OTUD7B: variants seen among roughly 807,000 people sequenced by gnomAD.
OTUD7B encodes OTU deubiquitinase 7B.
A neutral mutation model predicts 82.2 loss-of-function variants in OTUD7B; 34 were observed. That is an observed-to-expected ratio of 0.41 (90% CI 0.31 to 0.55). OTUD7B has a LOEUF of 0.55. Among genes scored for constraint, OTUD7B ranks in the 20% least tolerant of loss-of-function variants. The pLI, the probability that OTUD7B is intolerant of heterozygous loss-of-function variation, is 0.20. For synonymous variants in OTUD7B, 398 were observed against 402.7 expected (o/e 0.99, Z 0.14); for missense variants, 944 against 1,062.1 (o/e 0.89, Z 1.55).
At chr1:149,970,297 C>T (rs1649822357) in intron 3 of OTUD7B, among the ~76,000 whole-genome samples, 1 of 148,026 alleles carries the variant, frequency 6.8e-6, no homozygotes, top group Non-Finnish European at 1.5e-5. Context: ...TTATGTATTT[C>T]TTTTTTTAAT....
chr1:149,986,492 T>A (rs1651151312), intron 1 of OTUD7B, among the ~76,000 whole-genome samples: 1 of 152,168 alleles, frequency 6.6e-6, no homozygotes, highest in African/African-American at 2.4e-5. Flanking sequence ...AGACCATGGA[T>A]AATAACCCTC....
chr1:150,026,534 C>T, the OTUD7B span, among the ~76,000 whole-genome samples: 5 of 152,164 alleles, frequency 3.3e-5, no homozygotes, highest in Non-Finnish European at 7.3e-5. Context: ...AAGCATAATA[C>T]CTCCGTCTGC....
At chr1:150,065,148 T>C in the OTUD7B span, among the ~76,000 whole-genome samples, 5 of 151,890 alleles carry the variant, frequency 3.3e-5, no homozygotes, top group African/African-American at 1.2e-4. Context: ...AGTGGCACAC[T>C]GTAACCTCAA....
intron 1 of OTUD7B, among the ~76,000 whole-genome samples, chr1:149,990,283 C>T (rs587609283): frequency 1.3e-4 from 20 of 152,338 alleles, no homozygotes; most frequent in Admixed American, 4.6e-4. Context: ...GACAAGAATA[C>T]ATTCAAGACA....
the OTUD7B span, among the ~76,000 whole-genome samples, chr1:150,055,675 C>T: frequency 3.9e-5 from 6 of 152,228 alleles, no homozygotes; most frequent in Admixed American, 1.3e-4. Flanking sequence ...AGAAAATGTA[C>T]GTATACACCA....
chr1:150,044,294 G>A, the OTUD7B span, among the ~76,000 whole-genome samples: 163 of 151,560 alleles, frequency 1.1e-3, no homozygotes, highest in African/African-American at 3.7e-3. Flanking sequence ...TGCAACCTTC[G>A]CCTCCCAGGC....
At chr1:150,047,644 C>T in the OTUD7B span, 1 of 152,128 alleles carries the variant, frequency 6.6e-6, no homozygotes, top group Admixed American at 6.6e-5. Flanking sequence ...AACACTTCCT[C>T]TAAGAACTGT....
chr1:149,952,402 G>GTAT (rs1648331410), intron 7 of OTUD7B, among the ~76,000 whole-genome samples: 1 of 152,114 alleles, frequency 6.6e-6, no homozygotes, highest in African/African-American at 2.4e-5. Flanking sequence ...TGGCTGCATA[G>GTAT]TATTCCATGG....
chr1:150,059,887 G>C, the OTUD7B span, among the ~76,000 whole-genome samples: 2 of 152,018 alleles, frequency 1.3e-5, no homozygotes, highest in African/African-American at 2.4e-5. Flanking sequence ...CTAAAAGTTG[G>C]AAGGGTTCAG....
At chr1:150,048,515 T>C in the OTUD7B span, 1 of 151,752 alleles carries the variant, frequency 6.6e-6, no homozygotes, top group Non-Finnish European at 1.5e-5. Flanking sequence ...GGACAGGAGT[T>C]CAAGACCAGC....
Position 149,943,553 on chromosome 1 carries a change from T to A in OTUD7B, c.*304A>T. The stretch of plus-strand genomic sequence containing the variant: ...CACCAAACCTTCCCCTGCTACTTTC[T>A]CTTAGGTCCCTGGATGGGACCCAGG... On this transcript the variant is annotated 3_prime_UTR_variant, in exon 12 of 12. Coordinates refer to ENST00000581312, the MANE Select transcript of OTUD7B (RefSeq NM_020205.4). 3.5e-6 allele frequency: 1 copy of A among 287,452 alleles called. No homozygotes were observed. The highest frequency in any genetic ancestry group is 6.5e-6 in the Non-Finnish European group (1 of 152,708). The allele number at this position is 287,452 out of a possible 1,614,324, so 17.8% of individuals were successfully genotyped here. A position where few individuals can be genotyped will look rare whatever the true frequency, so the allele number is the denominator to read the frequency against.
intron 2 of OTUD7B, among the ~76,000 whole-genome samples, chr1:149,974,385 C>A (rs1265208692): frequency 1.3e-5 from 2 of 152,088 alleles, no homozygotes; most frequent in Non-Finnish European, 2.9e-5. Flanking sequence ...GTGTTCTCTA[C>A]AAGTACATTG....
Position 149,971,247 on chromosome 1 carries a change from C to A in OTUD7B, c.90G>T (p.Lys30Asn). Residue 30 changes from lysine to asparagine, a missense_variant, in exon 3 of 12, where the codon AAG becomes AAT. Physicochemically the swap from Lys to Asn is moderately conservative, Grantham distance 94. Around this residue, in one of 3 missense-constraint regions of OTUD7B, gnomAD observed 530 missense variants for 625.6 expected, o/e 0.85. Coordinates refer to ENST00000581312, the MANE Select transcript of OTUD7B (RefSeq NM_020205.4). ...PGLARDLLEG[K>N]NWDVNAALSD... ...TGAGGGCGGCATTCACATCCCAATT[C>A]TTTCCTGTCAGGAGACAAAGCAAAA... 6.2e-7 allele frequency: 1 copy of A among 1,603,926 alleles called. No homozygotes were observed. Among genetic ancestry groups the A allele is most frequent in the Non-Finnish European group, 8.5e-7 (1 of 1,171,968 alleles).
chr1:149,971,951 TC>T (rs1268187130), intron 2 of OTUD7B, among the ~76,000 whole-genome samples: 1 of 152,226 alleles, frequency 6.6e-6, no homozygotes, highest in Admixed American at 6.5e-5. Context: ...TCAATTCCTA[TC>T]ACCTACTGTC....
intron 6 of OTUD7B, chr1:149,963,208 G>C (rs1370579265): frequency 1.3e-5 from 2 of 152,110 alleles, no homozygotes; most frequent in African/African-American, 4.8e-5. Context: ...GATGAAAAAG[G>C]AAAGTTTCTG....
chr1:149,996,275 G>C (rs1651917008), intron 1 of OTUD7B, among the ~76,000 whole-genome samples: 1 of 152,200 alleles, frequency 6.6e-6, no homozygotes. Context: ...AGAGGGAGAA[G>C]GGAGAGGCAA....
At chr1:149,957,680 C>A (rs1259682378) in intron 7 of OTUD7B, among the ~76,000 whole-genome samples, 2 of 152,212 alleles carry the variant, frequency 1.3e-5, no homozygotes, top group Non-Finnish European at 2.9e-5. Flanking sequence ...GCAGTGGGCT[C>A]CACCCAGTTC....
chr1:149,981,477 G>A (rs115390301), intron 1 of OTUD7B, among the ~76,000 whole-genome samples: 1,754 of 152,202 alleles, frequency 0.012, 19 homozygotes, highest in Admixed American at 0.025. Flanking sequence ...TTCACATACC[G>A]GTTTTGATTC....
intron 2 of OTUD7B, among the ~76,000 whole-genome samples, chr1:149,973,259 G>A (rs1294323693): frequency 1.3e-5 from 2 of 152,008 alleles, no homozygotes; most frequent in African/African-American, 2.4e-5. Context: ...TCAATTATCA[G>A]TATTGAACAG....
Sources: gnomAD v4.1 joint callset for allele counts (sites outside exome capture counted in the v4.1 genomes callset) on GRCh38, gnomAD v4.1.1 for gene constraint, gnomAD v4.1.1 regional missense constraint, MANE v1.5 for transcripts, NCBI Gene and HGNC (gene_info 2026-07-23, HGNC 2026-07-21) for gene names.